Variants in AGK observed in about 807,000 individuals in gnomAD.
AGK encodes acylglycerol kinase.
AGK carries 52 observed loss-of-function variants against 66.4 expected under a neutral mutation model. That is an observed-to-expected ratio of 0.78 (90% CI 0.63 to 0.99). The LOEUF is 0.99. AGK is among the 50% of genes least tolerant of loss of function. The pLI is 0.00. For missense variants in AGK, 451 were observed against 506.6 expected, an observed-to-expected ratio of 0.89 and a Z score of 1.05; for synonymous variants, 182 against 181.1, an observed-to-expected ratio of 1.00 and a Z score of -0.04.
chr7:141,620,702 G>A (rs1315454103), intron 8 of AGK, among the ~76,000 whole-genome samples: 1 of 152,200 alleles, frequency 6.6e-6, no homozygotes, highest in Non-Finnish European at 1.5e-5. Context: ...GTCATAAGGA[G>A]TCCCCCACAA....
At position 141,636,957 on chromosome 7, in the gene AGK, C is replaced by T. The variant is rs1797185047; in HGVS notation, c.669-3C>T. 2 of 1,611,278 alleles carry T rather than the reference C, an allele frequency of 1.2e-6. No individual in the cohort carries two copies. Among genetic ancestry groups the T allele is most frequent in the Non-Finnish European group, 1.7e-6 (2 of 1,178,246 alleles). Reference sequence around the variant, plus strand: ...TCAGATTTTTATCTTGGTCTTTTCACAGGTACTGGTATCTTGGGCCTCTAA... The same window carrying T: ...TCAGATTTTTATCTTGGTCTTTTCATAGGTACTGGTATCTTGGGCCTCTAA... On this transcript the variant is annotated splice_polypyrimidine_tract_variant and splice_region_variant and intron_variant, in intron 10 of 15. Coordinates refer to ENST00000649286, the MANE Select transcript of AGK (RefSeq NM_018238.4).
chr7:141,601,385 AT>A, intron 5 of AGK, 105 bp downstream of exon 5: 1 of 830,114 alleles, frequency 1.2e-6, no homozygotes, highest in South Asian at 1.6e-5. Context: ...GAGCAAAGAA[AT>A]TAATGTTGTA....
In AGK at chr7:141,651,520, C is replaced by G; in HGVS notation, c.1047-5C>G. 6.2e-7 allele frequency: 1 copy of G among 1,614,126 alleles called. No individual in the cohort carries two copies. The highest frequency in any genetic ancestry group is 8.5e-7 in the Non-Finnish European group (1 of 1,179,978). ...TCTTAAGCTTGCTTTTTCCTGTGCT[C>G]ACAGAAGTCGAAAGGTGAGAAACCC... is the stretch of plus-strand genomic sequence containing the variant. On this transcript the variant is annotated splice_region_variant and splice_polypyrimidine_tract_variant and intron_variant, in intron 14 of 15. Transcript: ENST00000649286.
intron 4 of AGK, 79 bp downstream of exon 4, chr7:141,596,720 G>C (rs1796235420): frequency 1.6e-6 from 2 of 1,289,128 alleles, no homozygotes; most frequent in Admixed American, 3.5e-5. Context: ...CAGCTAGTGA[G>C]ATTGTGTGGA....
At chr7:141,646,132 A>G (rs1797406053) in intron 13 of AGK, among the ~76,000 whole-genome samples, 1 of 152,146 alleles carries the variant, frequency 6.6e-6, no homozygotes, top group Admixed American at 6.5e-5. Flanking sequence ...TTGAGAAATC[A>G]AGGCAGCTAG....
chr7:141,556,065 T>G (rs1012625416), intron 2 of AGK, among the ~76,000 whole-genome samples: 1 of 152,118 alleles, frequency 6.6e-6, no homozygotes, highest in Non-Finnish European at 1.5e-5. Flanking sequence ...AAGATGAACA[T>G]TGGTTTTGGT....
At chr7:141,640,770 A>T (rs1797270528) in intron 11 of AGK, among the ~76,000 whole-genome samples, 1 of 152,144 alleles carries the variant, frequency 6.6e-6, no homozygotes. Flanking sequence ...TTAGAGTGTG[A>T]GGGTGATGGG....
In AGK at chr7:141,653,021, G is replaced by T. The variant is rs1474393370; in HGVS notation, c.*97G>T. 2.2e-5 allele frequency: 33 copies of T among 1,481,828 alleles called. No individual in the cohort carries two copies. The East Asian group carries it at 7.5e-4, about 34-fold the overall frequency. 91.8% of individuals were successfully genotyped at this position (1,481,828 alleles called of 1,614,324 possible). ...GCCATCCCAACAGTGTCGTCAGAGGGTCCCCAGGGCATTTTCATGGCAAGT... is the reference window on the plus strand; with the variant it reads ...GCCATCCCAACAGTGTCGTCAGAGGTTCCCCAGGGCATTTTCATGGCAAGT... On this transcript the variant is annotated 3_prime_UTR_variant, in exon 16 of 16. Coordinates refer to ENST00000649286, the MANE Select transcript of AGK (RefSeq NM_018238.4).
intron 13 of AGK, 75 bp from the exon 14 acceptor site, chr7:141,649,188 C>T: frequency 3.4e-6 from 3 of 885,084 alleles, no homozygotes; most frequent in Non-Finnish European, 5.7e-6. Flanking sequence ...TATGAACCAT[C>T]AAAGCTGAGG....
At chr7:141,602,032 A>G (rs1796356197) in intron 5 of AGK, among the ~76,000 whole-genome samples, 1 of 150,588 alleles carries the variant, frequency 6.6e-6, no homozygotes, top group South Asian at 2.2e-4. Flanking sequence ...AAGAAAACTA[A>G]CATATTTGAG....
chr7:141,571,757 C>T (rs1430572844), intron 2 of AGK, among the ~76,000 whole-genome samples: 2 of 152,162 alleles, frequency 1.3e-5, no homozygotes, highest in Non-Finnish European at 2.9e-5. Context: ...TGGATAGTTA[C>T]TTAACTGTTC....
At chr7:141,569,044 A>G (rs1011899390) in intron 2 of AGK, among the ~76,000 whole-genome samples, 3 of 152,212 alleles carry the variant, frequency 2.0e-5, no homozygotes, top group Admixed American at 2.0e-4. Flanking sequence ...GTTTTAATTA[A>G]TACTGGAGTT....
intron 8 of AGK, among the ~76,000 whole-genome samples, chr7:141,617,817 A>T (rs1796741284): frequency 6.6e-6 from 1 of 152,198 alleles, no homozygotes; most frequent in Non-Finnish European, 1.5e-5. Context: ...AGTGTGTTAA[A>T]TACTGTTCAG....
rs549386437 is a variant in AGK, at chr7:141,590,486, C to T, written c.102-2660C>T. Among the ~76,000 whole-genome samples the T allele has an allele frequency of 2.4e-4, 37 of 152,272 alleles. 1 individual carries two copies. The South Asian group carries it at 7.1e-3, about 29-fold the overall frequency. ...CACAGTCCGGAGAGGCTGGAAGCTG[C>T]GTTCCCAGGGCCTGTGCAAGTTGGA... On this transcript the variant is annotated intron_variant, in intron 2 of 15. Transcript: ENST00000649286.
intron 5 of AGK, among the ~76,000 whole-genome samples, chr7:141,603,358 T>C (rs1319171042): frequency 6.6e-6 from 1 of 152,214 alleles, no homozygotes; most frequent in Non-Finnish European, 1.5e-5. Context: ...TCATTTTTCT[T>C]ACATTTCGAC....
rs144438881 is a variant in AGK, at chr7:141,560,431, A to G, written c.101+4864A>G. 5.7e-3 allele frequency among the ~76,000 whole-genome samples: 856 copies of G among 149,360 alleles called. 9 individuals are homozygous for G. The highest frequency in any genetic ancestry group is 0.02 in the African/African-American group (816 of 40,628). On this transcript the variant is annotated intron_variant, in intron 2 of 15. Transcript: ENST00000649286. Reference sequence around the variant, plus strand: ...CTTCTTCTTCTTTTTTTTTTCCCCCATCAGGTCATTTTATTATTATGGTTT... The same window carrying G: ...CTTCTTCTTCTTTTTTTTTTCCCCCGTCAGGTCATTTTATTATTATGGTTT...
chr7:141,625,625 T>G (rs1314730606), intron 9 of AGK, among the ~76,000 whole-genome samples: 1 of 152,194 alleles, frequency 6.6e-6, no homozygotes, highest in Non-Finnish European at 1.5e-5. Flanking sequence ...TATGGTTGTT[T>G]TGAATATTAA....
rs1329818613 is a variant in AGK at position 141,601,271 on chromosome 7, T to C, written c.288T>C (p.Thr96=). The stretch of plus-strand genomic sequence containing the variant: ...TACATTTATCTGGCATGGATGTGAC[T>C]ATTGTTAAGGTAAGAATGGCTCCTG... ...PILHLSGMDV[T]IVKTDYEGQA... Residue 96 remains threonine, a synonymous_variant, in exon 5 of 16, where the codon ACT becomes ACC. Transcript: ENST00000649286. 6.2e-7 allele frequency: 1 copy of C among 1,612,298 alleles called. No homozygotes were observed. Among genetic ancestry groups the C allele is most frequent in the African/African-American group, 1.3e-5 (1 of 74,992 alleles).
At chr7:141,645,497 C>G (rs917289250) in intron 13 of AGK, among the ~76,000 whole-genome samples, 1 of 152,090 alleles carries the variant, frequency 6.6e-6, no homozygotes, top group African/African-American at 2.4e-5. Flanking sequence ...GGTTTGTTTT[C>G]TCTCTTCAAA....
Sources: allele counts gnomAD v4.1 joint callset (sites outside exome capture counted in the v4.1 genomes callset), GRCh38; gene constraint gnomAD v4.1.1; transcripts MANE v1.5; gene names NCBI Gene and HGNC (gene_info 2026-07-23, HGNC 2026-07-21).